Variants in SPINK5 observed in about 807,000 individuals in gnomAD.
SPINK5 encodes serine protease inhibitor Kazal-type 5.
Under a neutral mutation model 151.8 loss-of-function variants are expected in SPINK5, and 125 were observed. The ratio of observed to expected loss-of-function variants is 0.82; its 90% CI spans 0.71 to 0.96. SPINK5 has a LOEUF of 0.96. Among genes scored for constraint, SPINK5 ranks in the 40% least tolerant of loss-of-function variants. The probability of loss-of-function intolerance (pLI) is 0.00; values close to 1 mark genes in which losing one functional copy is unlikely to be tolerated. For missense variants in SPINK5, 1,194 were observed against 1,291.9 expected, an observed-to-expected ratio of 0.92 and a Z score of 1.16; for synonymous variants, 374 against 395.3, an observed-to-expected ratio of 0.95 and a Z score of 0.64.
chr5:148,088,625 T>C lies in SPINK5; in HGVS notation c.474+20T>C. 1 of 1,610,014 alleles carries C rather than the reference T, an allele frequency of 6.2e-7. No individual in the cohort carries two copies. Among genetic ancestry groups the C allele is most frequent in the Non-Finnish European group, 8.5e-7 (1 of 1,177,286 alleles). ...GAGCAGGTGAGGTCAATTGTCAGCCTGATGGGAAATACTGGGAGGCTAACT... is the reference window on the plus strand; with the variant it reads ...GAGCAGGTGAGGTCAATTGTCAGCCCGATGGGAAATACTGGGAGGCTAACT... On this transcript the variant is annotated intron_variant, in intron 6 of 32. Coordinates refer to ENST00000256084, the MANE Select transcript of SPINK5 (RefSeq NM_006846.4).
At chr5:148,101,993 C>T in intron 15 of SPINK5, 85 bp downstream of exon 15, 1 of 1,584,238 alleles carries the variant, frequency 6.3e-7, no homozygotes, top group South Asian at 1.1e-5. Context: ...GTGAATAATG[C>T]ATTTTCTTCT....
chr5:148,090,489 G>T (rs1753280249), intron 7 of SPINK5, among the ~76,000 whole-genome samples: 1 of 150,150 alleles, frequency 6.7e-6, no homozygotes, highest in Admixed American at 6.7e-5. Flanking sequence ...ATTCTGTAGG[G>T]TTTTTTTTTC....
chr5:148,109,866 T>G (rs1205962590), intron 18 of SPINK5, among the ~76,000 whole-genome samples: 1 of 152,154 alleles, frequency 6.6e-6, no homozygotes. Context: ...CCTTGTAGTG[T>G]CTGGAAGTGC....
At position 148,137,055 on chromosome 5, in the gene SPINK5, C is replaced by A; in HGVS notation, c.*64C>A. ...CCCAGTTCTGAATCACCTACCTTCA[C>A]CATCTGTATATACAAAGAATTCTTC... On this transcript the variant is annotated 3_prime_UTR_variant, in exon 33 of 33. Transcript: ENST00000256084. 2 of 1,589,824 alleles carry A rather than the reference C, an allele frequency of 1.3e-6. No homozygotes were observed. The highest frequency in any genetic ancestry group is 1.7e-6 in the Non-Finnish European group (2 of 1,158,436).
At position 148,108,830 on chromosome 5, in the gene SPINK5, C is replaced by CAAA; in HGVS notation, c.1686_1687insAAA (p.Ala562_Val563insLys). On this transcript the variant is annotated inframe_insertion, in exon 18 of 33. Coordinates refer to ENST00000256084, the MANE Select transcript of SPINK5 (RefSeq NM_006846.4). ...GAGGCTGAAAAAGTTAAGAGAGAAG[C>CAAA]AGTTCAGGTAGTTGTTTGAGATCAT... 1 of 1,612,184 alleles carries CAAA rather than the reference C, an allele frequency of 6.2e-7. No individual in the cohort carries two copies. The highest frequency in any genetic ancestry group is 1.1e-5 in the South Asian group (1 of 91,044).
intron 4 of SPINK5, among the ~76,000 whole-genome samples, chr5:148,074,299 A>T (rs543769833): frequency 6.6e-6 from 1 of 151,766 alleles, no homozygotes; most frequent in Non-Finnish European, 1.5e-5. Context: ...CCCTCCATTA[A>T]CAAGTCTTGT....
At chr5:148,115,680 A>G (rs949370128) in intron 21 of SPINK5, among the ~76,000 whole-genome samples, 1 of 152,106 alleles carries the variant, frequency 6.6e-6, no homozygotes, top group Admixed American at 6.6e-5. Flanking sequence ...TTTTTTGTGA[A>G]AGGTAGAAAA....
rs1197228420 is a variant in SPINK5, at chr5:148,099,168, G to A, written c.1011-66G>A. On this transcript the variant is annotated intron_variant, in intron 11 of 32. Transcript: ENST00000256084. Reference sequence around the variant, plus strand: ...GGAGGGAGAACAGTTAACAGTGCAAGGATGTGGAGAAATCATGGCATGTGT... The same window carrying A: ...GGAGGGAGAACAGTTAACAGTGCAAAGATGTGGAGAAATCATGGCATGTGT... 2.8e-6 allele frequency: 4 copies of A among 1,430,760 alleles called. No individual in the cohort carries two copies. The Admixed American group carries it at 5.8e-5, about 21-fold the overall frequency. The allele number at this position is 1,430,760 out of a possible 1,614,324, so 88.6% of individuals were successfully genotyped here. A position where few individuals can be genotyped will look rare whatever the true frequency, so the allele number is the denominator to read the frequency against.
chr5:148,091,987 C>G (rs531463201), intron 8 of SPINK5, among the ~76,000 whole-genome samples: 1 of 151,762 alleles, frequency 6.6e-6, no homozygotes, highest in East Asian at 1.9e-4. Context: ...GAAGTCAGAA[C>G]GCCTGAGTTT....
At chr5:148,098,094 A>T (rs1753521039) in intron 11 of SPINK5, 100 bp downstream of exon 11, 1 of 1,138,910 alleles carries the variant, frequency 8.8e-7, no homozygotes, top group South Asian at 1.3e-5. Flanking sequence ...GGCTCAAGAC[A>T]GGGAAGTGAG....
At chr5:148,066,269 C>T (rs1327190314) in intron 2 of SPINK5, among the ~76,000 whole-genome samples, 1 of 152,062 alleles carries the variant, frequency 6.6e-6, no homozygotes, top group Non-Finnish European at 1.5e-5. Context: ...ATTTTTTAAT[C>T]TATTTGAAAG....
intron 19 of SPINK5, 86 bp from the exon 20 acceptor site, chr5:148,112,782 A>C: frequency 6.3e-7 from 1 of 1,585,710 alleles, no homozygotes; most frequent in Non-Finnish European, 8.6e-7. Context: ...GAAGTAATGG[A>C]CCATTTTTAT....
In SPINK5 at chr5:148,087,308, G is replaced by A. The variant is rs191715857; in HGVS notation, c.410+776G>A. Among the ~76,000 whole-genome samples, 545 of 151,742 alleles carry A rather than the reference G, an allele frequency of 3.6e-3. 4 individuals carry two copies. The highest frequency in any genetic ancestry group is 0.013 in the African/African-American group (530 of 41,438). On this transcript the variant is annotated intron_variant, in intron 5 of 32. Coordinates refer to ENST00000256084, the MANE Select transcript of SPINK5 (RefSeq NM_006846.4). ...CAACAAGATGACATACCTGCTTGGC[G>A]GGTTCTGGCTTGTGATCTCAATCTT...
chr5:148,110,108 C>CA (rs1753885048), intron 18 of SPINK5, among the ~76,000 whole-genome samples: 1 of 152,140 alleles, frequency 6.6e-6, no homozygotes, highest in Admixed American at 6.6e-5. Context: ...TAAGGTCCTA[C>CA]AGTTAACATC....
rs1242349464 is a variant in SPINK5, at chr5:148,111,920, C to T, written c.1820+25C>T. The T allele has an allele frequency of 1.9e-6, 3 of 1,613,840 alleles. No homozygotes were observed. The East Asian group carries it at 6.7e-5, about 36-fold the overall frequency. On this transcript the variant is annotated intron_variant, in intron 19 of 32. Transcript: ENST00000256084. The stretch of plus-strand genomic sequence containing the variant: ...TGTGAGTGGGCGGCAGCCACTGCTG[C>T]TACTGAGTGTGGGAGAAGATCAGCA...
chr5:148,095,473 G>T (rs1324596200), intron 9 of SPINK5, among the ~76,000 whole-genome samples: 4 of 151,924 alleles, frequency 2.6e-5, no homozygotes, highest in African/African-American at 9.7e-5. Context: ...TTGCAAAATA[G>T]AATAAAAACT....
At chr5:148,102,163 A>G (rs1187396601) in intron 15 of SPINK5, among the ~76,000 whole-genome samples, 2 of 152,090 alleles carry the variant, frequency 1.3e-5, no homozygotes, top group Non-Finnish European at 2.9e-5. Flanking sequence ...TATATGTGGG[A>G]TCTAAAAAAA....
chr5:148,094,343 T>A lies in SPINK5; in HGVS notation c.667-11T>A. The stretch of plus-strand genomic sequence containing the variant: ...AAATGAAGTAAAATAAATATAATTG[T>A]CTTTTCAAAGGATTTTTGCAAGGAA... On this transcript the variant is annotated splice_polypyrimidine_tract_variant and intron_variant, in intron 8 of 32. Transcript: ENST00000256084. 1 of 1,611,600 alleles carries A rather than the reference T, an allele frequency of 6.2e-7. No homozygotes were observed. Among genetic ancestry groups the A allele is most frequent in the Admixed American group, 1.7e-5 (1 of 59,848 alleles).
At chr5:148,119,965 T>C (rs1302170065) in intron 24 of SPINK5, 44 bp from the exon 25 acceptor site, 2 of 1,607,632 alleles carry the variant, frequency 1.2e-6, no homozygotes, top group Non-Finnish European at 1.7e-6. Context: ...AATCAAATAT[T>C]ATGTAAAAAC....
Sources: allele counts gnomAD v4.1 joint callset (sites outside exome capture counted in the v4.1 genomes callset), GRCh38; gene constraint gnomAD v4.1.1; transcripts MANE v1.5; gene names NCBI Gene and HGNC (gene_info 2026-07-23, HGNC 2026-07-21).